The following ZNF454 variants were observed in gnomAD, a reference collection of about 807,000 sequenced individuals.
ZNF454 encodes the protein zinc finger protein 454.
Under a neutral mutation model 48.2 loss-of-function variants are expected in ZNF454, and 30 were observed. The ratio of observed to expected loss-of-function variants is 0.62; its 90% confidence interval spans 0.47 to 0.84. ZNF454 has a LOEUF of 0.84. Among genes scored for constraint, ZNF454 ranks in the 40% least tolerant of loss-of-function variants. The pLI is 0.00. For missense variants in ZNF454, 510 were observed against 623.1 expected (o/e 0.82, Z 1.93); for synonymous variants, 204 against 211.4 (o/e 0.97, Z 0.30).
At chr5:178,984,308 G>A in the ZNF454 span, among the ~76,000 whole-genome samples, 76 of 151,958 alleles carry the variant, frequency 5.0e-4, 1 homozygote, top group Middle Eastern at 0.027. Flanking sequence ...CACTCGGAAC[G>A]GACTCCTGCA....
chr5:178,983,385 G>A, the ZNF454 span: 1 of 733,558 alleles, frequency 1.4e-6, no homozygotes, highest in Admixed American at 2.0e-5. Flanking sequence ...TGGAGAAGAG[G>A]GGATGGCAGC....
At chr5:178,988,314 T>C in the ZNF454 span, among the ~76,000 whole-genome samples, 1 of 152,188 alleles carries the variant, frequency 6.6e-6, no homozygotes, top group Non-Finnish European at 1.5e-5. This position sits in a 1 kb window ranked among gnomAD's most constrained non-coding sequence, Gnocchi z 6.0. Context: ...TGGAATTGAT[T>C]AGCAGAGAGC....
Position 178,965,442 on chromosome 5 carries a change from T to C in ZNF454, c.1038T>C (p.His346=). The C allele has an allele frequency of 5.0e-6, 8 of 1,613,992 alleles. No individual in the cohort carries two copies. Among genetic ancestry groups the C allele is most frequent in the Non-Finnish European group, 6.8e-6 (8 of 1,179,978 alleles). Residue 346 remains histidine (H), a synonymous_variant, in exon 5 of 5, where the codon CAT becomes CAC. Coordinates refer to ENST00000519564, the MANE Select transcript of ZNF454 (RefSeq NM_001178089.3). This position sits in a 1 kb window ranked among gnomAD's most constrained non-coding sequence, Gnocchi z 5.2. ...AFNQSTSFLQ[H]QRIHTGEKPF... is the part of the protein sequence containing the mutation. ...ATCAGAGTACAAGTTTCCTTCAGCA[T>C]CAGAGAATTCACACTGGAGAGAAAC...
intron 4 of ZNF454, among the ~76,000 whole-genome samples, chr5:178,959,752 C>T (rs1277289364): frequency 6.6e-6 from 1 of 151,726 alleles, no homozygotes; most frequent in Non-Finnish European, 1.5e-5. Context: ...ACTACAGGCG[C>T]CCACCACCAC....
At chr5:178,956,437 A>G (rs570107530) in intron 4 of ZNF454, among the ~76,000 whole-genome samples, 4 of 151,528 alleles carry the variant, frequency 2.6e-5, no homozygotes, top group Non-Finnish European at 5.9e-5. Flanking sequence ...TTCAGTCTTC[A>G]ACACAGTTCT....
downstream of ZNF454, among the ~76,000 whole-genome samples, chr5:178,967,648 G>A (rs1760182275): frequency 6.6e-6 from 1 of 151,888 alleles, no homozygotes. Context: ...ATATTCTCTG[G>A]CAAGGGCCAT....
Position 178,942,819 on chromosome 5 carries a change from G to A in ZNF454, c.28G>A (p.Val10Ile). 1 of 1,613,324 alleles carries A rather than the reference G, an allele frequency of 6.2e-7. No homozygotes were observed. The change falls in exon 2 of 5, where the codon GTC becomes ATC. Residue 10 changes from valine to isoleucine, a missense_variant. Physicochemically the swap from Val to Ile is conservative, Grantham distance 29. Coordinates refer to ENST00000519564, the MANE Select transcript of ZNF454 (RefSeq NM_001178089.3). MAVSHLPTM[V>I]QESVTFKDVA... ...GGCTGTCAGCCACCTGCCAACCATGGTCCAGGTGAGTGGGGGTTTCTTCCC... is the reference window on the plus strand; with the variant it reads ...GGCTGTCAGCCACCTGCCAACCATGATCCAGGTGAGTGGGGGTTTCTTCCC...
At chr5:178,948,893 T>C (rs1416704741) in intron 4 of ZNF454, among the ~76,000 whole-genome samples, 1 of 134,450 alleles carries the variant, frequency 7.4e-6, no homozygotes, top group Non-Finnish European at 1.6e-5. Context: ...TGATATAAAT[T>C]ATATGTACAC....
At chr5:178,986,425 T>G in the ZNF454 span, 1 of 1,613,592 alleles carries the variant, frequency 6.2e-7, no homozygotes, top group Non-Finnish European at 8.5e-7. Context: ...CGTGTTGTTG[T>G]ACCGCACGAA....
Position 178,944,514 on chromosome 5 carries a change from A to G in ZNF454, c.33+1690A>G, listed in dbSNP as rs1244954165. On this transcript the variant is annotated intron_variant, in intron 2 of 4. Transcript: ENST00000519564. This position sits in a 1 kb window ranked among gnomAD's most constrained non-coding sequence, Gnocchi z 4.1. Reference sequence around the variant, plus strand: ...AAGTGAACGATAAATGGGCCCTGACAAATTGGTTCATGGCTTCCATCCAAG... The same window carrying G: ...AAGTGAACGATAAATGGGCCCTGACGAATTGGTTCATGGCTTCCATCCAAG... Among the ~76,000 whole-genome samples the G allele has an allele frequency of 6.6e-6, 1 of 152,228 alleles. No homozygotes were observed. Among genetic ancestry groups the G allele is most frequent in the Non-Finnish European group, 1.5e-5 (1 of 68,030 alleles).
chr5:178,959,602 G>A (rs568399174), intron 4 of ZNF454, among the ~76,000 whole-genome samples: 26 of 152,120 alleles, frequency 1.7e-4, no homozygotes, highest in Non-Finnish European at 3.7e-4. Flanking sequence ...TTGGGTTGTT[G>A]AGATCATTTC....
chr5:178,970,452 C>T (rs770347436), downstream of ZNF454, among the ~76,000 whole-genome samples: 3 of 152,200 alleles, frequency 2.0e-5, no homozygotes, highest in African/African-American at 4.8e-5. Flanking sequence ...GACCTCTCGG[C>T]GGTGCTGATG....
intron 4 of ZNF454, among the ~76,000 whole-genome samples, chr5:178,962,287 G>A (rs1040684707): frequency 6.6e-6 from 1 of 151,560 alleles, no homozygotes; most frequent in Non-Finnish European, 1.5e-5. Context: ...TTTTTTTCAA[G>A]CAACTTTCAA....
Position 178,941,326 on chromosome 5 carries a change from A to C in ZNF454, c.-226A>C, listed in dbSNP as rs1380295361. 1 of 452,810 alleles carries C rather than the reference A, an allele frequency of 2.2e-6. No homozygotes were observed. The highest frequency in any genetic ancestry group is 4.5e-6 in the Non-Finnish European group (1 of 224,532). 28.0% of individuals were successfully genotyped at this position (452,810 alleles called of 1,614,324 possible). On this transcript the variant is annotated 5_prime_UTR_variant, in exon 1 of 5. Transcript: ENST00000519564. This position sits in a 1 kb window ranked among gnomAD's most constrained non-coding sequence, Gnocchi z 5.5. The stretch of plus-strand genomic sequence containing the variant: ...CCAGGCACGGTGGTCAAAGCCGCAG[A>C]GGGAGAGCGGGAGCGGTCGTGAGGT...
intron 4 of ZNF454, among the ~76,000 whole-genome samples, chr5:178,952,077 G>A (rs1196651516): frequency 2.7e-5 from 4 of 145,544 alleles, no homozygotes. Flanking sequence ...TCGTTCTGTC[G>A]CCCAGGCGGG....
intron 4 of ZNF454, among the ~76,000 whole-genome samples, chr5:178,954,964 G>C (rs1055055099): frequency 1.3e-5 from 2 of 152,248 alleles, no homozygotes; most frequent in South Asian, 2.1e-4. Context: ...CACCAGTGAG[G>C]ATTTGAGTTG....
In ZNF454 at chr5:178,941,357, G is replaced by A. The variant is rs1759080112; in HGVS notation, c.-195G>A. The A allele has an allele frequency of 2.2e-6, 1 of 456,494 alleles. No individual in the cohort carries two copies. Among genetic ancestry groups the A allele is most frequent in the Non-Finnish European group, 4.4e-6 (1 of 226,820 alleles). The allele number at this position is 456,494 out of a possible 1,614,324, so 28.3% of individuals were successfully genotyped here. On this transcript the variant is annotated 5_prime_UTR_variant, in exon 1 of 5. Transcript: ENST00000519564. The surrounding 1 kb of genome is among the most constrained non-coding windows in gnomAD (Gnocchi z 5.5). ...AGCGGGAGCGGTCGTGAGGTCGTCT[G>A]GGGAGAAGGGCGGAGGCAAAGCCGA...
chr5:178,982,198 T>C, the ZNF454 span, among the ~76,000 whole-genome samples: 7 of 152,178 alleles, frequency 4.6e-5, no homozygotes, highest in African/African-American at 1.4e-4. Flanking sequence ...GGCAAATAAA[T>C]GGATGACAGG....
chr5:178,983,245 GAC>G, the ZNF454 span: 6 of 1,595,526 alleles, frequency 3.8e-6, no homozygotes, highest in African/African-American at 2.7e-5. Flanking sequence ...CACTGCATCA[GAC>G]ACAGCACTTT....
Sources: allele counts gnomAD v4.1 joint callset (sites outside exome capture counted in the v4.1 genomes callset), GRCh38; gene constraint gnomAD v4.1.1; non-coding constraint Gnocchi (gnomAD v3.1); transcripts MANE v1.5; gene names NCBI Gene and HGNC (gene_info 2026-07-23, HGNC 2026-07-21).